Variants in OCA2 observed in about 807,000 individuals in gnomAD.
The protein encoded by OCA2 is OCA2 melanosomal transmembrane protein, also known as P protein.
A neutral mutation model predicts 100.2 loss-of-function variants in OCA2; 77 were observed. The ratio of observed to expected loss-of-function variants is 0.77; its 90% CI spans 0.64 to 0.93. OCA2 has a LOEUF of 0.93. OCA2 is among the 40% of genes least tolerant of loss of function. The pLI is 0.00. For missense variants in OCA2, 1,062 were observed against 1,089.1 expected (o/e 0.98, Z 0.35); for synonymous variants, 432 against 439.2 (o/e 0.98, Z 0.21).
chr15:28,032,558 G>C (rs927141966), intron 2 of OCA2, among the ~76,000 whole-genome samples: 2 of 151,944 alleles, frequency 1.3e-5, no homozygotes, highest in Non-Finnish European at 2.9e-5. Flanking sequence ...GACTGAGGCG[G>C]GTGAACCACA....
chr15:27,778,898 C>G (rs1040131759), intron 23 of OCA2, among the ~76,000 whole-genome samples: 1 of 152,204 alleles, frequency 6.6e-6, no homozygotes, highest in Non-Finnish European at 1.5e-5. Flanking sequence ...TACTATTATA[C>G]GCTGAGCATT....
intron 23 of OCA2, among the ~76,000 whole-genome samples, chr15:27,823,294 A>T (rs914249506): frequency 6.6e-6 from 1 of 152,238 alleles, no homozygotes; most frequent in Non-Finnish European, 1.5e-5. Context: ...GTCCTCAAGC[A>T]TTGTTTTACT....
At chr15:27,827,024 C>A (rs2034753162) in intron 23 of OCA2, among the ~76,000 whole-genome samples, 1 of 152,216 alleles carries the variant, frequency 6.6e-6, no homozygotes, top group Admixed American at 6.5e-5. Context: ...AGCAGCCTGC[C>A]CTGTGGGGCT....
In OCA2 at chr15:28,024,897, C is replaced by T; in HGVS notation, c.521G>A (p.Cys174Tyr). 1 of 1,614,252 alleles carries T rather than the reference C, an allele frequency of 6.2e-7. No homozygotes were observed. Among genetic ancestry groups the T allele is most frequent in the South Asian group, 1.1e-5 (1 of 91,084 alleles). ...GCCCATGACTTTCAGCCACTGCACA[C>T]AGCGCCTGCAAGAGAAAAAGTAGGG... Reference protein sequence around the residue: ...IRLRLSKLRRCVQWLKVMGLF... With the variant: ...IRLRLSKLRRYVQWLKVMGLF... Residue 174 changes from cysteine (C) to tyrosine (Y), a missense_variant, in exon 5 of 24, where the codon TGT becomes TAT. Transcript: ENST00000354638.
chr15:27,862,031 G>A (rs533382098), intron 21 of OCA2, among the ~76,000 whole-genome samples: 8 of 152,332 alleles, frequency 5.3e-5, no homozygotes, highest in Admixed American at 1.3e-4. Context: ...TTGCTTTTAC[G>A]TCCTCACAGA....
At chr15:27,826,492 G>A (rs781041991) in intron 23 of OCA2, among the ~76,000 whole-genome samples, 36 of 152,150 alleles carry the variant, frequency 2.4e-4, no homozygotes, top group South Asian at 8.3e-4. Context: ...CTGTGTAGAC[G>A]GAACCCAGGC....
At chr15:27,981,966 G>A (rs1457673911) in intron 14 of OCA2, among the ~76,000 whole-genome samples, 1 of 152,172 alleles carries the variant, frequency 6.6e-6, no homozygotes. Context: ...AGAGCTCACC[G>A]CATTTGTTTC....
At chr15:28,055,315 T>C (rs1002836599) in intron 2 of OCA2, among the ~76,000 whole-genome samples, 2 of 152,220 alleles carry the variant, frequency 1.3e-5, no homozygotes, top group African/African-American at 4.8e-5. Flanking sequence ...ATTTGTTTTT[T>C]CACATATCTG....
At chr15:27,993,775 C>T (rs1004917695) in intron 9 of OCA2, among the ~76,000 whole-genome samples, 63 of 152,258 alleles carry the variant, frequency 4.1e-4, no homozygotes, top group Middle Eastern at 3.4e-3. Flanking sequence ...GCTATCCTCA[C>T]TCAGAAACCC....
chr15:27,979,512 T>C (rs2140936636), intron 14 of OCA2, among the ~76,000 whole-genome samples: 1 of 152,356 alleles, frequency 6.6e-6, no homozygotes, highest in Middle Eastern at 3.4e-3. Flanking sequence ...TTGCCTTTTT[T>C]CTAAATTCCA....
At chr15:27,750,347 G>A (rs912376487), downstream of OCA2, among the ~76,000 whole-genome samples, 4 of 152,148 alleles carry the variant, frequency 2.6e-5, no homozygotes, top group Non-Finnish European at 5.9e-5. Flanking sequence ...CATCCCAGAG[G>A]ATAAAATACA....
chr15:28,030,102 C>G (rs1335287159), intron 3 of OCA2, among the ~76,000 whole-genome samples: 3 of 152,204 alleles, frequency 2.0e-5, no homozygotes, highest in African/African-American at 7.2e-5. Flanking sequence ...AAGTTTTTGT[C>G]TTAAAAGTTA....
chr15:27,838,146 A>T (rs1405966209), intron 23 of OCA2, among the ~76,000 whole-genome samples: 1 of 152,008 alleles, frequency 6.6e-6, no homozygotes, highest in East Asian at 1.9e-4. Flanking sequence ...CACATACAAC[A>T]CTCTATACTG....
chr15:27,843,558 G>A (rs1595501754), intron 23 of OCA2, among the ~76,000 whole-genome samples: 1 of 152,152 alleles, frequency 6.6e-6, no homozygotes, highest in African/African-American at 2.4e-5. Flanking sequence ...ACTGGGTCAG[G>A]CATTAAGTTC....
chr15:27,814,937 T>TAG (rs2034232729), intron 23 of OCA2, among the ~76,000 whole-genome samples: 1 of 118,016 alleles, frequency 8.5e-6, no homozygotes. Flanking sequence ...GATAGATAGA[T>TAG]AGATAGATAC....
intron 19 of OCA2, among the ~76,000 whole-genome samples, chr15:27,894,403 G>A (rs1030502357): frequency 1.3e-5 from 2 of 152,218 alleles, no homozygotes; most frequent in Non-Finnish European, 2.9e-5. Flanking sequence ...TTACATTCAG[G>A]AATGTGGCCA....
intron 14 of OCA2, among the ~76,000 whole-genome samples, chr15:27,979,873 T>TTG (rs1567185235): frequency 6.8e-6 from 1 of 147,052 alleles, no homozygotes; most frequent in African/African-American, 2.5e-5. Flanking sequence ...CTAGTGTTTT[T>TTG]TTTTTTTTTT....
At chr15:27,846,137 G>A (rs2035527475) in intron 22 of OCA2, among the ~76,000 whole-genome samples, 1 of 152,072 alleles carries the variant, frequency 6.6e-6, no homozygotes, top group Non-Finnish European at 1.5e-5. Context: ...GAGCAGCTGC[G>A]ATATGCGAGT....
intron 23 of OCA2, among the ~76,000 whole-genome samples, chr15:27,808,929 G>A (rs1436495510): frequency 2.6e-5 from 4 of 152,178 alleles, no homozygotes; most frequent in Non-Finnish European, 5.9e-5. Flanking sequence ...GGATCGTGGG[G>A]TATGCCATCA....
Sources: allele counts gnomAD v4.1 joint callset (sites outside exome capture counted in the v4.1 genomes callset), GRCh38; gene constraint gnomAD v4.1.1; transcripts MANE v1.5; gene names NCBI Gene and HGNC (gene_info 2026-07-23, HGNC 2026-07-21).